Variants in ABCA6 observed in about 807,000 individuals in gnomAD.
ABCA6 encodes the protein ATP-binding cassette sub-family A member 6.
A neutral mutation model predicts 191.2 loss-of-function variants in ABCA6; 164 were observed. That is an observed-to-expected ratio of 0.86 (90% CI 0.76 to 0.98). The LOEUF (loss-of-function observed/expected upper bound fraction) is 0.98. Among genes scored for constraint, ABCA6 ranks in the 50% least tolerant of loss-of-function variants. The pLI is 0.00. For synonymous variants in ABCA6, 636 were observed against 647.7 expected, an observed-to-expected ratio of 0.98 and a Z score of 0.27; for missense variants, 1,958 against 1,894.1, an observed-to-expected ratio of 1.03 and a Z score of -0.63.
At chr17:69,130,760 T>C (rs1025645290) in intron 6 of ABCA6, among the ~76,000 whole-genome samples, 3 of 152,170 alleles carry the variant, frequency 2.0e-5, no homozygotes, top group Non-Finnish European at 4.4e-5. Context: ...ATCAAGTAAC[T>C]CTATAAACAC....
chr17:69,097,073 AT>A (rs1481063959), intron 23 of ABCA6, among the ~76,000 whole-genome samples: 1 of 152,204 alleles, frequency 6.6e-6, no homozygotes. Context: ...AGTGGACCTC[AT>A]AATGTTCAAG....
intron 17 of ABCA6, chr17:69,110,411 G>A (rs529920277): frequency 2.2e-5 from 4 of 184,202 alleles, no homozygotes; most frequent in East Asian, 1.6e-4. Flanking sequence ...TGCTCTCGTA[G>A]GCATCCCTTA....
intron 22 of ABCA6, among the ~76,000 whole-genome samples, chr17:69,099,081 T>C (rs2073117742): frequency 6.6e-6 from 1 of 151,748 alleles, no homozygotes; most frequent in African/African-American, 2.4e-5. Flanking sequence ...GGATGTGTTC[T>C]GAAGCACAGA....
At chr17:69,130,717 T>C (rs1358955067) in intron 6 of ABCA6, among the ~76,000 whole-genome samples, 1 of 152,188 alleles carries the variant, frequency 6.6e-6, no homozygotes, top group East Asian at 1.9e-4. Flanking sequence ...GTCCTAATTG[T>C]AGAATTGGAA....
Position 69,087,464 on chromosome 17 carries a change from G to A in ABCA6, c.3708C>T (p.Pro1236=). ...GATTTGGCTTAGCATCTCTACTTTGGGGGGAAATTCTATGGAGAAAATGAA... is the reference window on the plus strand; with the variant it reads ...GATTTGGCTTAGCATCTCTACTTTGAGGGGAAATTCTATGGAGAAAATGAA... ...MRKDPVFRIS[P]QSRDAKPNPE... Residue 1236 remains proline (P), a synonymous_variant, in exon 29 of 39, where the codon CCC becomes CCT. Transcript: ENST00000284425. 3 of 1,613,634 alleles carry A rather than the reference G, an allele frequency of 1.9e-6. No homozygotes were observed. The highest frequency in any genetic ancestry group is 2.5e-6 in the Non-Finnish European group (3 of 1,179,802).
chr17:69,082,864 C>T lies in ABCA6; in HGVS notation c.4616+9G>A, dbSNP rs2072675478. 2 of 1,613,922 alleles carry T rather than the reference C, an allele frequency of 1.2e-6. No homozygotes were observed. Among genetic ancestry groups the T allele is most frequent in the African/African-American group, 1.3e-5 (1 of 75,008 alleles). On this transcript the variant is annotated intron_variant, in intron 36 of 38. Coordinates refer to ENST00000284425, the MANE Select transcript of ABCA6 (RefSeq NM_080284.3). The stretch of plus-strand genomic sequence containing the variant: ...TCCATATTTCTCCATAATCAAAAGC[C>T]CGTCTCACCTTTCCTGCCCTGCAGC...
chr17:69,117,941 C>T lies in ABCA6; in HGVS notation c.1452G>A (p.Lys484=). The T allele has an allele frequency of 6.3e-7, 1 of 1,590,088 alleles. No individual in the cohort carries two copies. The highest frequency in any genetic ancestry group is 8.6e-7 in the Non-Finnish European group (1 of 1,163,760). The change falls in exon 11 of 39, where the codon AAG becomes AAA. Residue 484 remains lysine, a synonymous_variant. Coordinates refer to ENST00000284425, the MANE Select transcript of ABCA6 (RefSeq NM_080284.3). ...GKEAIRIRNV[K]KEYKGKSGKV... ...TTCCAGATTTTCCTTTATATTCCTT[C>T]TTAACATTTCTGATTCTGAAATAAC...
intron 17 of ABCA6, chr17:69,108,507 G>A (rs2073352342): frequency 6.6e-6 from 1 of 152,158 alleles, no homozygotes; most frequent in African/African-American, 2.4e-5. Context: ...TATCTAGTTA[G>A]ATGTAGGCTC....
Position 69,140,626 on chromosome 17 carries a change from C to T in ABCA6, c.78G>A (p.Met26Ile). Residue 26 changes from methionine (M) to isoleucine (I), a missense_variant, in exon 2 of 39, where the codon ATG becomes ATA. Physicochemically the swap from Met to Ile is conservative, Grantham distance 10. Coordinates refer to ENST00000284425, the MANE Select transcript of ABCA6 (RefSeq NM_080284.3). Reference protein sequence around the residue: ...LCKNFLKKWRMKRESLLEWGL... With the variant: ...LCKNFLKKWRIKRESLLEWGL... The stretch of plus-strand genomic sequence containing the variant: ...AACATACCAATAAGCTCTCTCTTTT[C>T]ATCCTCCATTTCTTAAGAAAATTCT... 3.8e-6 allele frequency: 6 copies of T among 1,598,416 alleles called. No homozygotes were observed. The highest frequency in any genetic ancestry group is 5.1e-6 in the Non-Finnish European group (6 of 1,173,070).
chr17:69,085,746 G>A (rs761298817), intron 30 of ABCA6, 30 bp from the exon 31 acceptor site: 1 of 1,453,828 alleles, frequency 6.9e-7, no homozygotes, highest in Non-Finnish European at 9.6e-7. Context: ...TATCAATATT[G>A]GAAGTGAAAT....
At chr17:69,128,031 A>G (rs965625501) in intron 8 of ABCA6, among the ~76,000 whole-genome samples, 6 of 152,116 alleles carry the variant, frequency 3.9e-5, no homozygotes, top group Non-Finnish European at 8.8e-5. Context: ...ACTCCTATGA[A>G]GTTTAAAACA....
In ABCA6 at chr17:69,134,746, T is replaced by C; in HGVS notation, c.461-4A>G. The C allele has an allele frequency of 4.4e-6, 7 of 1,604,064 alleles. No homozygotes were observed. The highest frequency in any genetic ancestry group is 6.0e-6 in the Non-Finnish European group (7 of 1,171,908). On this transcript the variant is annotated splice_region_variant and splice_polypyrimidine_tract_variant and intron_variant, in intron 4 of 38. Transcript: ENST00000284425. Reference sequence around the variant, plus strand: ...CCATATCCATCCCAGCAATGAGCTGTAAGCACAAAGAAAAGCACAGCCAAC... The same window carrying C: ...CCATATCCATCCCAGCAATGAGCTGCAAGCACAAAGAAAAGCACAGCCAAC...
chr17:69,109,129 C>A (rs2073366655), intron 17 of ABCA6: 1 of 152,070 alleles, frequency 6.6e-6, no homozygotes, highest in Non-Finnish European at 1.5e-5. Flanking sequence ...TGAGTATTTG[C>A]CTAATGAAAC....
At chr17:69,079,410 T>C (rs2072574242) in intron 37 of ABCA6, 145 bp from the exon 38 acceptor site, 1 of 527,438 alleles carries the variant, frequency 1.9e-6, no homozygotes, top group Non-Finnish European at 3.3e-6. Context: ...GATGAAATAA[T>C]GAAAGCCATA....
Position 69,086,560 on chromosome 17 carries a change from G to A in ABCA6, c.3937+58C>T. The A allele has an allele frequency of 1.7e-5, 18 of 1,086,904 alleles. 1 individual carries two copies. In the South Asian group the frequency reaches 2.2e-4, roughly 14 times the overall value. The allele number at this position is 1,086,904 out of a possible 1,614,324, so 67.3% of individuals were successfully genotyped here. A position where few individuals can be genotyped will look rare whatever the true frequency, so the allele number is the denominator to read the frequency against. On this transcript the variant is annotated intron_variant, in intron 30 of 38. Transcript: ENST00000284425. ...CGAGTAAAACTGTGCCTATGACATA[G>A]ATGTTCGGTAGGTAGTTCTAAAAGT...
intron 8 of ABCA6, among the ~76,000 whole-genome samples, chr17:69,128,231 T>C (rs1314992920): frequency 1.3e-5 from 2 of 152,138 alleles, no homozygotes; most frequent in African/African-American, 4.8e-5. Context: ...TGTTAAACTA[T>C]ACTTGTGTTT....
intron 13 of ABCA6, among the ~76,000 whole-genome samples, chr17:69,114,293 T>C (rs2073492085): frequency 6.6e-6 from 1 of 151,694 alleles, no homozygotes; most frequent in African/African-American, 2.4e-5. Context: ...AAACCATCAT[T>C]CTCAGCAAAC....
At chr17:69,118,493 T>G (rs2073578148) in intron 10 of ABCA6, among the ~76,000 whole-genome samples, 2 of 152,036 alleles carry the variant, frequency 1.3e-5, no homozygotes, top group African/African-American at 4.8e-5. Context: ...CATTTTCACT[T>G]CCTGACCTTT....
In ABCA6 at chr17:69,085,717, C is replaced by G. The variant is rs1279154098; in HGVS notation, c.3938-1G>C. ...GGTCCTAGCAATCCCAAAATTTCACCTGAAAGAAAGAATCAGACTATCAAT... is the reference window on the plus strand; with the variant it reads ...GGTCCTAGCAATCCCAAAATTTCACGTGAAAGAAAGAATCAGACTATCAAT... On this transcript the variant is annotated splice_acceptor_variant, in intron 30 of 38. Coordinates refer to ENST00000284425, the MANE Select transcript of ABCA6 (RefSeq NM_080284.3). LOFTEE classifies it high-confidence loss of function. 5.0e-6 allele frequency: 8 copies of G among 1,587,708 alleles called. No individual in the cohort carries two copies. The highest frequency in any genetic ancestry group is 1.1e-5 in the South Asian group (1 of 89,642).
Sources: gnomAD v4.1 joint callset for allele counts (sites outside exome capture counted in the v4.1 genomes callset) on GRCh38, gnomAD v4.1.1 for gene constraint, MANE v1.5 for transcripts, NCBI Gene and HGNC (gene_info 2026-07-23, HGNC 2026-07-21) for gene names.